The following MALRD1 variants were observed in gnomAD, a reference collection of about 807,000 sequenced individuals.
MALRD1 encodes MAM and LDL receptor class A domain containing 1.
MALRD1 carries 247 observed loss-of-function variants against 242.1 expected under a neutral mutation model. The observed-to-expected ratio is 1.02, with a 90% confidence interval of 0.92 to 1.13. The LOEUF is 1.13. Among genes scored for constraint, MALRD1 ranks in the 50% most tolerant of loss-of-function variants. The probability of loss-of-function intolerance (pLI) is 0.00; values close to 1 mark genes in which losing one functional copy is unlikely to be tolerated. For missense variants in MALRD1, 2,989 were observed against 2,533.1 expected, an observed-to-expected ratio of 1.18 and a Z score of -3.86; for synonymous variants, 995 against 866.6, an observed-to-expected ratio of 1.15 and a Z score of -2.60.
rs149970316 is a variant in MALRD1 at position 19,063,148 on chromosome 10, C to A, written c.200-3571C>A. On this transcript the variant is annotated intron_variant, in intron 1 of 39. Coordinates refer to ENST00000454679, the MANE Select transcript of MALRD1 (RefSeq NM_001142308.3). ...GTGACAGAGCAAGACCCTGTCCCCC[C>A]CCCAAAAAAAAAGTTTATGTAATGT... is the stretch of plus-strand genomic sequence containing the variant. 5.7e-3 allele frequency among the ~76,000 whole-genome samples: 866 copies of A among 151,498 alleles called. 8 individuals are homozygous for A. The highest frequency in any genetic ancestry group is 0.02 in the African/African-American group (834 of 41,354).
chr10:19,170,100 T>C (rs1834860752), intron 13 of MALRD1, among the ~76,000 whole-genome samples: 1 of 152,224 alleles, frequency 6.6e-6, no homozygotes, highest in South Asian at 2.1e-4. Context: ...CTCTTCCTGC[T>C]GGCAAAGAAT....
chr10:19,692,996 C>T (rs1233227383), intron 38 of MALRD1, among the ~76,000 whole-genome samples: 1 of 151,544 alleles, frequency 6.6e-6, no homozygotes, highest in African/African-American at 2.4e-5. Context: ...TCAATAGATA[C>T]AGAAAAGGCC....
chr10:19,251,098 G>C (rs1839275345), intron 18 of MALRD1, among the ~76,000 whole-genome samples: 1 of 151,868 alleles, frequency 6.6e-6, no homozygotes, highest in South Asian at 2.1e-4. Flanking sequence ...TATGAAATGA[G>C]ACATTTTATA....
intron 29 of MALRD1, among the ~76,000 whole-genome samples, chr10:19,470,530 A>T (rs979201963): frequency 2.6e-5 from 4 of 151,962 alleles, no homozygotes; most frequent in African/African-American, 9.7e-5. Flanking sequence ...TGTTTTCTGT[A>T]TGGTTGTACC....
intron 1 of MALRD1, among the ~76,000 whole-genome samples, chr10:19,054,388 A>G (rs1228912459): frequency 2.6e-5 from 4 of 152,126 alleles, no homozygotes; most frequent in African/African-American, 9.7e-5. Flanking sequence ...TTGCAAGTCC[A>G]TTGCCTCACT....
chr10:19,224,807 T>A (rs1335056849), intron 18 of MALRD1, among the ~76,000 whole-genome samples: 1 of 152,196 alleles, frequency 6.6e-6, no homozygotes, highest in Non-Finnish European at 1.5e-5. Context: ...CCGATGATAG[T>A]GTCTTTTGCT....
At chr10:19,566,357 T>C (rs1008683337) in intron 32 of MALRD1, among the ~76,000 whole-genome samples, 3 of 146,096 alleles carry the variant, frequency 2.1e-5, no homozygotes, top group African/African-American at 7.5e-5. Flanking sequence ...GCCAGGATGG[T>C]CTCAATCTCC....
intron 14 of MALRD1, among the ~76,000 whole-genome samples, chr10:19,199,260 T>C (rs2131602963): frequency 6.6e-6 from 1 of 152,330 alleles, no homozygotes; most frequent in South Asian, 2.1e-4. Flanking sequence ...ATTTCCGGAA[T>C]GTGTCCCGTG....
chr10:19,095,412 C>G (rs1177020807), intron 4 of MALRD1, among the ~76,000 whole-genome samples: 1 of 152,180 alleles, frequency 6.6e-6, no homozygotes, highest in Non-Finnish European at 1.5e-5. Context: ...CCATTGGAAA[C>G]ACTAACCAGA....
intron 27 of MALRD1, 129 bp downstream of exon 27, chr10:19,387,902 T>C: frequency 8.4e-7 from 1 of 1,193,876 alleles, no homozygotes. Flanking sequence ...ATCAAACATT[T>C]AGTGAGTGTT....
chr10:19,229,476 C>T (rs1029658119), intron 18 of MALRD1, among the ~76,000 whole-genome samples: 2 of 152,156 alleles, frequency 1.3e-5, no homozygotes, highest in African/African-American at 4.8e-5. Context: ...CTGGGTGTGG[C>T]ATGCTCCTGG....
Position 19,432,470 on chromosome 10 carries a change from A to G in MALRD1, c.4846-17837A>G, listed in dbSNP as rs181551881. On this transcript the variant is annotated intron_variant, in intron 28 of 39. Transcript: ENST00000454679. The stretch of plus-strand genomic sequence containing the variant: ...TTGAGTCAACTTTTAGCCAGTGGTT[A>G]CAGTTCCATGAAATGCCTTAATTCA... Among the ~76,000 whole-genome samples, 260 of 152,330 alleles carry G rather than the reference A, an allele frequency of 1.7e-3. 2 individuals carry two copies. The highest frequency in any genetic ancestry group is 6.2e-3 in the African/African-American group (257 of 41,582).
intron 12 of MALRD1, among the ~76,000 whole-genome samples, chr10:19,162,318 T>C (rs1834467002): frequency 6.6e-6 from 1 of 152,186 alleles, no homozygotes; most frequent in Non-Finnish European, 1.5e-5. Context: ...TTACTTTCTC[T>C]CTATATATTT....
intron 29 of MALRD1, among the ~76,000 whole-genome samples, chr10:19,453,180 C>T (rs1212141231): frequency 6.6e-6 from 1 of 152,130 alleles, no homozygotes; most frequent in Admixed American, 6.6e-5. Flanking sequence ...CACAATTTAT[C>T]ATGAAGTTGT....
chr10:19,689,756 C>A (rs1057064475), intron 36 of MALRD1, among the ~76,000 whole-genome samples: 2 of 152,048 alleles, frequency 1.3e-5, no homozygotes, highest in African/African-American at 4.8e-5. Context: ...TGACATTCAT[C>A]ATTTTATCCC....
In MALRD1 at chr10:19,656,614, C is replaced by T. The variant is rs1841163037; in HGVS notation, c.6138-35668C>T. ...TCTGTCTGACTCAAATTAACCTTTG[C>T]CCTGTATATTTATCTGCAGCCTCCA... On this transcript the variant is annotated intron_variant, in intron 36 of 39. Coordinates refer to ENST00000454679, the MANE Select transcript of MALRD1 (RefSeq NM_001142308.3). Among the ~76,000 whole-genome samples the T allele has an allele frequency of 2.0e-5, 3 of 151,932 alleles. No homozygotes were observed. In the South Asian group the frequency reaches 6.2e-4, roughly 32 times the overall value.
chr10:19,547,808 A>G (rs1197591589), intron 32 of MALRD1, among the ~76,000 whole-genome samples: 2 of 14,002 alleles, frequency 1.4e-4, no homozygotes, highest in Non-Finnish European at 3.1e-4. Context: ...ATATATATAT[A>G]TATATATATA....
At chr10:19,046,942 G>C (rs144821124), upstream of MALRD1, among the ~76,000 whole-genome samples, 1 of 152,308 alleles carries the variant, frequency 6.6e-6, no homozygotes, top group Non-Finnish European at 1.5e-5. Flanking sequence ...CACTCAGTAA[G>C]GCTGTGCTGG....
intron 36 of MALRD1, among the ~76,000 whole-genome samples, chr10:19,663,757 A>C (rs910428693): frequency 2.0e-5 from 3 of 151,926 alleles, no homozygotes; most frequent in African/African-American, 7.3e-5. Flanking sequence ...CTTTCAGACC[A>C]TTTCAGAATA....
Sources: gnomAD v4.1 joint callset for allele counts (sites outside exome capture counted in the v4.1 genomes callset) on GRCh38, gnomAD v4.1.1 for gene constraint, MANE v1.5 for transcripts, NCBI Gene and HGNC (gene_info 2026-07-23, HGNC 2026-07-21) for gene names.